The following TREX2 variants were observed in gnomAD, a reference collection of about 807,000 sequenced individuals.
TREX2 encodes 3'-5' exonuclease TREX2 long form.
For missense variants in TREX2, 242 were observed against 235.3 expected (o/e 1.03, Z -0.19); for synonymous variants, 121 against 112.1 (o/e 1.08, Z -0.50).
rs370610130 is a variant in TREX2, at chrX:153,444,782, G to A, written c.649C>T (p.Arg217Cys). The A allele has an allele frequency of 1.3e-5, 15 of 1,195,999 alleles. No homozygotes were observed. The highest frequency in any genetic ancestry group is 1.8e-5 in the South Asian group (1 of 54,605). ...ATGGGCTCGATGTGGGCCCACCCAC[G>A]GGCCTGCTCATCGGCCCAGGCGAGC... ...ELLAWADEQA[R>C]GWAHIEPMYL... is the part of the protein sequence containing the mutation. The change falls in exon 2 of 2, where the codon CGT becomes TGT. Residue 217 changes from arginine to cysteine, a missense_variant. Arg to Cys is a radical substitution (Grantham distance 180). Transcript: ENST00000370231.
rs1266021201 is a variant in TREX2, at chrX:153,445,224, G to A, written c.207C>T (p.Pro69=). 1 of 1,202,538 alleles carries A rather than the reference G, an allele frequency of 8.3e-7. No individual in the cohort carries two copies. Among genetic ancestry groups the A allele is most frequent in the African/African-American group, 1.7e-5 (1 of 57,299 alleles). The change falls in exon 2 of 2, where the codon CCC becomes CCT. Residue 69 remains proline, a synonymous_variant. Transcript: ENST00000370231. ...KLTLCMCPER[P]FTAKASEITG... Reference sequence around the variant, plus strand: ...TGATCTCGCTGGCCTTGGCAGTGAAGGGGCGCTCCGGGCACATGCACAGCG... The same window carrying A: ...TGATCTCGCTGGCCTTGGCAGTGAAAGGGCGCTCCGGGCACATGCACAGCG...
chrX:153,444,953 G>A lies in TREX2; in HGVS notation c.478C>T (p.His160Tyr). 8.4e-7 allele frequency: 1 copy of A among 1,188,034 alleles called. No homozygotes were observed. Among genetic ancestry groups the A allele is most frequent in the South Asian group, 1.8e-5 (1 of 54,160 alleles). The change falls in exon 2 of 2, where the codon CAC becomes TAC. Residue 160 changes from histidine to tyrosine, a missense_variant. By Grantham distance (83) the His-to-Tyr change is moderately conservative (BLOSUM62 2). Coordinates refer to ENST00000370231, the MANE Select transcript of TREX2 (RefSeq NM_080701.4). ...ALRGLDRAHS[H>Y]GTRARGRQGY... The stretch of plus-strand genomic sequence containing the variant: ...TGGCGGCCCCGGGCCCGGGTGCCGT[G>A]GCTGTGGGCGCGGTCCAGGCCCCGC...
Position 153,445,460 on chromosome X carries a change from T to C in TREX2, c.-30A>G. The C allele has an allele frequency of 9.1e-7, 1 of 1,100,437 alleles. No homozygotes were observed. Among genetic ancestry groups the C allele is most frequent in the Non-Finnish European group, 1.2e-6 (1 of 833,452 alleles). The allele number at this position is 1,100,437 out of a possible 1,213,427, so 90.7% of individuals were successfully genotyped here. On this transcript the variant is annotated 5_prime_UTR_variant, in exon 2 of 2. Transcript: ENST00000370231. Reference sequence around the variant, plus strand: ...ATGTTCCCACGGGGATAGCAAGTCCTCAAACTGTCCGAGCGAGAGGCACAA... The same window carrying C: ...ATGTTCCCACGGGGATAGCAAGTCCCCAAACTGTCCGAGCGAGAGGCACAA...
In TREX2 at chrX:153,444,930, G is replaced by A. The variant is rs34136705; in HGVS notation, c.501C>T (p.Arg167=). ...AGAGGCTGCCGAGGCTGTAACCCTG[G>A]CGGCCCCGGGCCCGGGTGCCGTGGC... ...AHSHGTRARG[R]QGYSLGSLFH... The change falls in exon 2 of 2, where the codon CGC becomes CGT. Residue 167 remains arginine (R), a synonymous_variant. Coordinates refer to ENST00000370231, the MANE Select transcript of TREX2 (RefSeq NM_080701.4). 5,618 of 1,194,327 alleles carry A rather than the reference G, an allele frequency of 4.7e-3. 188 individuals carry two copies. The African/African-American group carries it at 0.086, about 18-fold the overall frequency.
In TREX2 at chrX:153,444,509, T is replaced by C. The variant is rs782087084; in HGVS notation, c.*211A>G. ...CAATGTTTATTGGGAAACAGCAAAC[T>C]CTGCTGGGCACCCAGGCCAGCCGGG... is the stretch of plus-strand genomic sequence containing the variant. On this transcript the variant is annotated 3_prime_UTR_variant, in exon 2 of 2. Transcript: ENST00000370231. Among the ~76,000 whole-genome samples the C allele has an allele frequency of 3.3e-4, 37 of 112,736 alleles. No homozygotes were observed. Among genetic ancestry groups the C allele is most frequent in the Non-Finnish European group, 6.8e-4 (36 of 53,166 alleles).
rs62594087 is a variant in TREX2 at position 153,445,512 on chromosome X, G to A, written c.-65-17C>T. Reference sequence around the variant, plus strand: ...CCCTGAGGACTGGAGAGAGGGGTTCGCCCGGGCCCTGCTGTGTACCATCCT... The same window carrying A: ...CCCTGAGGACTGGAGAGAGGGGTTCACCCGGGCCCTGCTGTGTACCATCCT... On this transcript the variant is annotated splice_polypyrimidine_tract_variant and intron_variant, in intron 1 of 1. Transcript: ENST00000370231. The A allele has an allele frequency of 3.3e-3, 3,158 of 942,711 alleles. 3 individuals carry two copies. Among genetic ancestry groups the A allele is most frequent in the Non-Finnish European group, 4.0e-3 (2,741 of 690,747 alleles). The allele number at this position is 942,711 out of a possible 1,213,427, so 77.7% of individuals were successfully genotyped here. A position where few individuals can be genotyped will look rare whatever the true frequency, so the allele number is the denominator to read the frequency against.
At position 153,444,993 on chromosome X, in the gene TREX2, G is replaced by A. The variant is rs2089141714; in HGVS notation, c.438C>T (p.Asp146=). The change falls in exon 2 of 2, where the codon GAC becomes GAT. Residue 146 remains aspartate (D), a synonymous_variant. Transcript: ENST00000370231. ...CCAGGCCCCGCAGGGCCGGCAGCGT[G>A]TCCAGGCAGACAGTGTCCCGGGGCA... ...ARLPRDTVCL[D]TLPALRGLDR... is the part of the protein sequence containing the mutation. The A allele has an allele frequency of 8.5e-7, 1 of 1,178,067 alleles. No homozygotes were observed. The highest frequency in any genetic ancestry group is 1.1e-6 in the Non-Finnish European group (1 of 878,550).
In TREX2 at chrX:153,444,730, A is replaced by G. The variant is rs1556979168; in HGVS notation, c.701T>C (p.Leu234Pro). 5.1e-6 allele frequency: 6 copies of G among 1,186,133 alleles called. No homozygotes were observed. The highest frequency in any genetic ancestry group is 6.8e-6 in the Non-Finnish European group (6 of 884,565). ...PMYLPPDDPS[L>P]EA ...AGGTGGCCCTGGTGCTCAGGCCTCCAGGCTGGGGTCATCAGGCGGCAAGTA... is the reference window on the plus strand; with the variant it reads ...AGGTGGCCCTGGTGCTCAGGCCTCCGGGCTGGGGTCATCAGGCGGCAAGTA... Residue 234 changes from leucine to proline, a missense_variant, in exon 2 of 2, where the codon CTG (leucine) becomes CCG (proline). Transcript: ENST00000370231.
In TREX2 at chrX:153,445,131, CG is replaced by C. The variant is rs1569530208; in HGVS notation, c.299del (p.Thr100SerfsTer6). On this transcript the variant is annotated frameshift_variant, in exon 2 of 2. Transcript: ENST00000370231. LOFTEE classifies it low-confidence loss of function (END_TRUNC). ...CCTGGCGGCTCAGGAAGGCCTGCAG[CG>C]TCCGCACCACGGCGCCATCAAAGCC... ...KAGFDGAVVRTLQAFLSRQAG... is the reference protein window; with the variant it reads ...KAGFDGAVVRXLQAFLSRQAG... 1.7e-6 allele frequency: 2 copies of C among 1,203,242 alleles called. No individual in the cohort carries two copies. The highest frequency in any genetic ancestry group is 1.1e-6 in the Non-Finnish European group (1 of 891,582).
At position 153,444,653 on chromosome X, in the gene TREX2, GGGT is replaced by G; in HGVS notation, c.*64_*66del. Reference sequence around the variant, plus strand: ...AGGCTGCCCAGATAGGAGGAGCCGGGGGTGGTAGAGGCCAGCTGAACGGTGGAG... The same window carrying G: ...AGGCTGCCCAGATAGGAGGAGCCGGGGGTAGAGGCCAGCTGAACGGTGGAG... On this transcript the variant is annotated 3_prime_UTR_variant, in exon 2 of 2. Transcript: ENST00000370231. The G allele has an allele frequency of 1.8e-6, 2 of 1,111,542 alleles. No individual in the cohort carries two copies. Among genetic ancestry groups the G allele is most frequent in the South Asian group, 3.9e-5 (2 of 51,355 alleles). The allele number at this position is 1,111,542 out of a possible 1,213,427, so 91.6% of individuals were successfully genotyped here.
Position 153,444,705 on chromosome X carries a change from A to AC in TREX2, c.*14_*15insG. The AC allele has an allele frequency of 8.5e-7, 1 of 1,173,769 alleles. No homozygotes were observed. The highest frequency in any genetic ancestry group is 1.1e-6 in the Non-Finnish European group (1 of 876,685). ...AGGCTGGCACTGTCCATGGCACAGG[A>AC]GGTGGCCCTGGTGCTCAGGCCTCCA... On this transcript the variant is annotated 3_prime_UTR_variant, in exon 2 of 2. Transcript: ENST00000370231.
rs2089146465 is a variant in TREX2, at chrX:153,445,208, T to C, written c.223A>G (p.Ser75Gly). The change falls in exon 2 of 2, where the codon AGC (serine) becomes GGC (glycine). Residue 75 changes from serine (S) to glycine (G), a missense_variant. Physicochemically the swap from Ser to Gly is moderately conservative, Grantham distance 56. Coordinates refer to ENST00000370231, the MANE Select transcript of TREX2 (RefSeq NM_080701.4). ...TCACTGCTCAGGCCGGTGATCTCGC[T>C]GGCCTTGGCAGTGAAGGGGCGCTCC... ...CPERPFTAKA[S>G]EITGLSSEGL... 1 of 1,206,069 alleles carries C rather than the reference T, an allele frequency of 8.3e-7. No individual in the cohort carries two copies. Among genetic ancestry groups the C allele is most frequent in the African/African-American group, 1.7e-5 (1 of 57,435 alleles).
chrX:153,445,785 G>T, intron 1 of TREX2: 1 of 402,221 alleles, frequency 2.5e-6, no homozygotes, highest in Admixed American at 4.2e-5. Context: ...CCTTGGCTGG[G>T]AACCTGGGGC....
chrX:153,444,643 G>A lies in TREX2; in HGVS notation c.*77C>T. 1.8e-6 allele frequency: 2 copies of A among 1,085,339 alleles called. No homozygotes were observed. The highest frequency in any genetic ancestry group is 2.5e-6 in the Non-Finnish European group (2 of 807,135). 89.4% of individuals were successfully genotyped at this position (1,085,339 alleles called of 1,213,427 possible). On this transcript the variant is annotated 3_prime_UTR_variant, in exon 2 of 2. Transcript: ENST00000370231. ...CACGGACCTGAGGCTGCCCAGATAG[G>A]AGGAGCCGGGGGTGGTAGAGGCCAG...
rs1556979487 is a variant in TREX2 at position 153,445,329 on chromosome X, A to G, written c.102T>C (p.Ala34=). The change falls in exon 2 of 2, where the codon GCT becomes GCC. Residue 34 remains alanine (A), a synonymous_variant. Coordinates refer to ENST00000370231, the MANE Select transcript of TREX2 (RefSeq NM_080701.4). ...EPEIAELSLF[A]VHRSSLENPE... Reference sequence around the variant, plus strand: ...GGTTCTCCAGGGAGGAGCGGTGGACAGCAAAGAGGGACAGCTCGGCAATCT... The same window carrying G: ...GGTTCTCCAGGGAGGAGCGGTGGACGGCAAAGAGGGACAGCTCGGCAATCT... 1 of 1,204,796 alleles carries G rather than the reference A, an allele frequency of 8.3e-7. No homozygotes were observed. The highest frequency in any genetic ancestry group is 1.1e-6 in the Non-Finnish European group (1 of 891,633).
At position 153,444,860 on chromosome X, in the gene TREX2, CG is replaced by C. The variant is rs782697954; in HGVS notation, c.570del (p.Glu191ArgfsTer9). 4 of 1,204,288 alleles carry C rather than the reference CG, an allele frequency of 3.3e-6. No individual in the cohort carries two copies. Among genetic ancestry groups the C allele is most frequent in the South Asian group, 3.6e-5 (2 of 55,577 alleles). On this transcript the variant is annotated frameshift_variant, in exon 2 of 2. Transcript: ENST00000370231. LOFTEE classifies it low-confidence loss of function (END_TRUNC). ...FRAEPSAAHSAEGDVHTLLLI... is the reference protein window; with the variant it reads ...FRAEPSAAHSXEGDVHTLLLI... ...AGGAGCAGGGTGTGCACGTCGCCCT[CG>C]GCTGAGTGGGCTGCGCTTGGCTCTG... is the stretch of plus-strand genomic sequence containing the variant.
Position 153,444,796 on chromosome X carries a change from G to C in TREX2, c.635C>G (p.Ala212Gly). Reference sequence around the variant, plus strand: ...GGCCCACCCACGGGCCTGCTCATCGGCCCAGGCGAGCAGCTCTGCGGCGCG... The same window carrying C: ...GGCCCACCCACGGGCCTGCTCATCGCCCCAGGCGAGCAGCTCTGCGGCGCG... Reference protein sequence around the residue: ...LHRAAELLAWADEQARGWAHI... With the variant: ...LHRAAELLAWGDEQARGWAHI... The change falls in exon 2 of 2, where the codon GCC (alanine) becomes GGC (glycine). Residue 212 changes from alanine (A) to glycine (G), a missense_variant. Physicochemically the swap from Ala to Gly is moderately conservative, Grantham distance 60. Coordinates refer to ENST00000370231, the MANE Select transcript of TREX2 (RefSeq NM_080701.4). 1 of 1,197,380 alleles carries C rather than the reference G, an allele frequency of 8.4e-7. No homozygotes were observed. The highest frequency in any genetic ancestry group is 1.1e-6 in the Non-Finnish European group (1 of 889,234).
In TREX2 at chrX:153,444,741, A is replaced by C; in HGVS notation, c.690T>G (p.Asp230Glu). ...AHIEPMYLPP[D>E]DPSLEA Reference sequence around the variant, plus strand: ...GTGCTCAGGCCTCCAGGCTGGGGTCATCAGGCGGCAAGTACATGGGCTCGA... The same window carrying C: ...GTGCTCAGGCCTCCAGGCTGGGGTCCTCAGGCGGCAAGTACATGGGCTCGA... The change falls in exon 2 of 2, where the codon GAT becomes GAG. Residue 230 changes from aspartate to glutamate, a missense_variant. Transcript: ENST00000370231. 1 of 1,190,711 alleles carries C rather than the reference A, an allele frequency of 8.4e-7. No individual in the cohort carries two copies. Among genetic ancestry groups the C allele is most frequent in the Non-Finnish European group, 1.1e-6 (1 of 886,444 alleles).
chrX:153,444,914 C>G lies in TREX2; in HGVS notation c.517G>C (p.Gly173Arg), dbSNP rs782015080. 1.5e-5 allele frequency: 18 copies of G among 1,201,086 alleles called. No homozygotes were observed. The South Asian group carries it at 2.3e-4, about 16-fold the overall frequency. ...RARGRQGYSL[G>R]SLFHRYFRAE... ...CGGAAGTAGCGGTGGAAGAGGCTGC[C>G]GAGGCTGTAACCCTGGCGGCCCCGG... The change falls in exon 2 of 2, where the codon GGC becomes CGC. Residue 173 changes from glycine (G) to arginine (R), a missense_variant. Coordinates refer to ENST00000370231, the MANE Select transcript of TREX2 (RefSeq NM_080701.4).
Sources: allele counts gnomAD v4.1 joint callset (sites outside exome capture counted in the v4.1 genomes callset), GRCh38; gene constraint gnomAD v4.1.1; transcripts MANE v1.5; gene names NCBI Gene and HGNC (gene_info 2026-07-23, HGNC 2026-07-21).